Variants in EPHA7 observed in about 807,000 individuals in gnomAD.
EPHA7 encodes the protein ephrin type-A receptor 7.
EPHA7 carries 25 observed loss-of-function variants against 112.6 expected under a neutral mutation model. The observed-to-expected ratio is 0.22, with a 90% CI of 0.16 to 0.31. The LOEUF is 0.31. EPHA7 is among the 10% of genes least tolerant of loss of function. EPHA7 has a pLI of 1.00. For missense variants in EPHA7, 962 were observed against 1,212.6 expected, an observed-to-expected ratio of 0.79 and a Z score of 3.07; for synonymous variants, 437 against 406.5, an observed-to-expected ratio of 1.07 and a Z score of -0.90.
chr6:93,365,542 T>G (rs776693649), intron 3 of EPHA7, among the ~76,000 whole-genome samples: 35 of 152,212 alleles, frequency 2.3e-4, no homozygotes, highest in Non-Finnish European at 4.6e-4. Flanking sequence ...AGATCCAGAA[T>G]CTGTGTTTTA....
chr6:93,240,747 T>TA lies in EPHA7; in HGVS notation c.*2678dup, dbSNP rs142329466. ...TTCCTCCCCTGAGCACTAATTTATTTAAAAAAAAAGATTTCAAGGTGCAAG... is the reference window on the plus strand; with the variant it reads ...TTCCTCCCCTGAGCACTAATTTATTTAAAAAAAAAAGATTTCAAGGTGCAAG... On this transcript the variant is annotated 3_prime_UTR_variant, in exon 17 of 17. Transcript: ENST00000369303. 8,318 of 210,592 alleles carry TA rather than the reference T, an allele frequency of 0.039. 666 individuals are homozygous for TA. The highest frequency in any genetic ancestry group is 0.17 in the African/African-American group (7,620 of 43,934). 13.0% of individuals were successfully genotyped at this position (210,592 alleles called of 1,614,324 possible).
At chr6:93,287,792 C>G (rs1388187601) in intron 5 of EPHA7, among the ~76,000 whole-genome samples, 3 of 151,964 alleles carry the variant, frequency 2.0e-5, no homozygotes, top group African/African-American at 7.3e-5. Flanking sequence ...CCCTTCTCCT[C>G]AAGCAAGAGT....
chr6:93,283,637 T>C (rs1771894272), intron 5 of EPHA7, among the ~76,000 whole-genome samples: 1 of 151,998 alleles, frequency 6.6e-6, no homozygotes, highest in Admixed American at 6.5e-5. Flanking sequence ...GCAGCTTCAC[T>C]CCCGAAGCCA....
chr6:93,312,549 T>G (rs1473635572), intron 5 of EPHA7, among the ~76,000 whole-genome samples: 2 of 152,180 alleles, frequency 1.3e-5, no homozygotes, highest in East Asian at 3.9e-4. Context: ...ATGTTATGGC[T>G]GGTTTGATCT....
At chr6:93,244,774 C>T (rs747514762) in intron 16 of EPHA7, among the ~76,000 whole-genome samples, 4 of 152,022 alleles carry the variant, frequency 2.6e-5, no homozygotes, top group South Asian at 4.1e-4. Flanking sequence ...CTTTTGATCT[C>T]TTCAGAAATA....
At chr6:93,355,048 G>A (rs1205249380) in intron 5 of EPHA7, among the ~76,000 whole-genome samples, 2 of 151,922 alleles carry the variant, frequency 1.3e-5, no homozygotes, top group African/African-American at 4.8e-5. Context: ...GCAAAGTTAT[G>A]ACAACAAATT....
At chr6:93,275,897 CA>C (rs1161472862) in intron 5 of EPHA7, among the ~76,000 whole-genome samples, 2 of 151,872 alleles carry the variant, frequency 1.3e-5, no homozygotes, top group Non-Finnish European at 2.9e-5. Context: ...AACTAAAATT[CA>C]ATTACAAAAC....
intron 2 of EPHA7, among the ~76,000 whole-genome samples, chr6:93,413,612 AT>A (rs1455623683): frequency 6.6e-6 from 1 of 151,914 alleles, no homozygotes; most frequent in African/African-American, 2.4e-5. Context: ...TGGAATTTTT[AT>A]ATTTAATCTG....
chr6:93,326,992 T>A (rs1284033210), intron 5 of EPHA7, among the ~76,000 whole-genome samples: 1 of 151,566 alleles, frequency 6.6e-6, no homozygotes, highest in Non-Finnish European at 1.5e-5. Flanking sequence ...TCCCATCACT[T>A]TAAAATACAT....
At chr6:93,417,243 C>A (rs115641840) in intron 1 of EPHA7, among the ~76,000 whole-genome samples, 3,080 of 152,234 alleles carry the variant, frequency 0.02, 105 homozygotes, top group African/African-American at 0.071. Context: ...CCCCCAAATG[C>A]CCCAGGAGGC....
Position 93,356,621 on chromosome 6 carries a change from A to G in EPHA7, c.1324+96T>C, listed in dbSNP as rs1775959593. On this transcript the variant is annotated intron_variant, in intron 5 of 16. Coordinates refer to ENST00000369303, the MANE Select transcript of EPHA7 (RefSeq NM_004440.4). ...AAATAATCAACAAGCTGGAAGAATC[A>G]AGCTCTGTGCAGAGAAACTAACTAA... is the stretch of plus-strand genomic sequence containing the variant. 3.5e-6 allele frequency: 4 copies of G among 1,141,090 alleles called. No homozygotes were observed. The African/African-American group carries it at 4.7e-5, about 13-fold the overall frequency. 70.7% of individuals were successfully genotyped at this position (1,141,090 alleles called of 1,614,324 possible). A position where few individuals can be genotyped will look rare whatever the true frequency, so the allele number is the denominator to read the frequency against.
intron 5 of EPHA7, among the ~76,000 whole-genome samples, chr6:93,281,846 C>A (rs1025912153): frequency 6.6e-6 from 1 of 152,000 alleles, no homozygotes; most frequent in African/African-American, 2.4e-5. Context: ...TTCTGTATTA[C>A]ACAGGTAAAT....
At position 93,410,324 on chromosome 6, in the gene EPHA7, G is replaced by A. The variant is rs115839678; in HGVS notation, c.832+177C>T. On this transcript the variant is annotated intron_variant, in intron 3 of 16. Transcript: ENST00000369303. The surrounding 1 kb of genome is among the most constrained non-coding windows in gnomAD (Gnocchi z 4.0). ...CACCTATATTGATTACATACACTTA[G>A]TGCAGATGCTACTGTAGGGCAATCA... is the stretch of plus-strand genomic sequence containing the variant. The A allele has an allele frequency of 4.9e-3, 2,987 of 610,388 alleles. 72 individuals carry two copies. The African/African-American group carries it at 0.049, about 10-fold the overall frequency. 37.8% of individuals were successfully genotyped at this position (610,388 alleles called of 1,614,324 possible). A position where few individuals can be genotyped will look rare whatever the true frequency, so the allele number is the denominator to read the frequency against.
chr6:93,363,464 G>T (rs1281125317), intron 3 of EPHA7, among the ~76,000 whole-genome samples: 1 of 152,100 alleles, frequency 6.6e-6, no homozygotes, highest in Admixed American at 6.6e-5. Context: ...TGTGCCAAAG[G>T]CTACTGAGCA....
intron 3 of EPHA7, among the ~76,000 whole-genome samples, chr6:93,382,673 G>GT (rs1777397170): frequency 6.6e-6 from 1 of 151,968 alleles, no homozygotes; most frequent in African/African-American, 2.4e-5. Context: ...ACTGAACGAG[G>GT]TTTTTTCCCT....
chr6:93,346,099 T>C (rs1203814663), intron 5 of EPHA7, among the ~76,000 whole-genome samples: 2 of 151,724 alleles, frequency 1.3e-5, no homozygotes, highest in Non-Finnish European at 3.0e-5. Context: ...GTGTATATGA[T>C]TGACAGTGGC....
At chr6:93,365,467 G>A (rs1464428257) in intron 3 of EPHA7, among the ~76,000 whole-genome samples, 3 of 152,126 alleles carry the variant, frequency 2.0e-5, no homozygotes, top group African/African-American at 7.2e-5. Flanking sequence ...AAGGCAAAGG[G>A]GAAAGCACAG....
At chr6:93,364,851 T>C (rs527542114) in intron 3 of EPHA7, among the ~76,000 whole-genome samples, 1 of 152,186 alleles carries the variant, frequency 6.6e-6, no homozygotes. Context: ...TTTTTGGAGT[T>C]TCATAAATAA....
At chr6:93,374,125 T>G (rs1274162880) in intron 3 of EPHA7, among the ~76,000 whole-genome samples, 1 of 152,114 alleles carries the variant, frequency 6.6e-6, no homozygotes, top group African/African-American at 2.4e-5. Flanking sequence ...AGGTCAAATC[T>G]AGAGATAGTT....
Sources: gnomAD v4.1 joint callset for allele counts (sites outside exome capture counted in the v4.1 genomes callset) on GRCh38, gnomAD v4.1.1 for gene constraint, Gnocchi (gnomAD v3.1) non-coding constraint, MANE v1.5 for transcripts, NCBI Gene and HGNC (gene_info 2026-07-23, HGNC 2026-07-21) for gene names.